Variants in ZNF616 observed in about 807,000 individuals in gnomAD.
ZNF616 encodes zinc finger protein 616.
Under a neutral mutation model 7.6 loss-of-function variants are expected in ZNF616, and 5 were observed. The ratio of observed to expected loss-of-function variants is 0.66; its 90% CI spans 0.34 to 1.38. The LOEUF (loss-of-function observed/expected upper bound fraction) is 1.38, where lower values mean the gene tolerates loss of function less well. Ranked by LOEUF, ZNF616 falls within the 40% of genes most tolerant of loss-of-function variation. ZNF616 has a pLI of 0.04. For missense variants in ZNF616, 913 were observed against 948.3 expected, an observed-to-expected ratio of 0.96 and a Z score of 0.49; for synonymous variants, 319 against 317.2, an observed-to-expected ratio of 1.01 and a Z score of -0.06.
At chr19:52,125,565 C>T (rs960753514) in intron 2 of ZNF616, among the ~76,000 whole-genome samples, 3 of 152,156 alleles carry the variant, frequency 2.0e-5, no homozygotes, top group Non-Finnish European at 4.4e-5. Context: ...GGATCCCTGC[C>T]CCATTAGTTT....
intron 3 of ZNF616, among the ~76,000 whole-genome samples, chr19:52,120,090 T>C (rs529755840): frequency 4.3e-4 from 66 of 152,248 alleles, no homozygotes; most frequent in Non-Finnish European, 1.6e-4. Context: ...CAAATATTAA[T>C]CTGAAAAAAC....
intron 2 of ZNF616, among the ~76,000 whole-genome samples, chr19:52,129,383 AAC>A (rs1279058845): frequency 6.6e-6 from 1 of 152,188 alleles, no homozygotes; most frequent in African/African-American, 2.4e-5. Flanking sequence ...TTACCAAAAA[AAC>A]AAATATATAC....
chr19:52,115,061 A>C lies in ZNF616; in HGVS notation c.2103T>G (p.Ser701Arg). 2 of 1,614,142 alleles carry C rather than the reference A, an allele frequency of 1.2e-6. No homozygotes were observed. The highest frequency in any genetic ancestry group is 1.1e-5 in the South Asian group (1 of 91,080). The change falls in exon 4 of 4, where the codon AGT becomes AGG. Residue 701 changes from serine (S) to arginine (R), a missense_variant. Physicochemically the swap from Ser to Arg is moderately radical, Grantham distance 110 (BLOSUM62 -1). Coordinates refer to ENST00000600228, the MANE Select transcript of ZNF616 (RefSeq NM_178523.5). ...CDECGKVFRH[S>R]SHLVSHQRIH... ...TTCTCTGGTGACTTACAAGATGTGA[A>C]CTATGCCTGAATACCTTGCCACATT...
chr19:52,133,297 T>TGC (rs763459552), intron 1 of ZNF616, among the ~76,000 whole-genome samples: 7 of 152,216 alleles, frequency 4.6e-5, no homozygotes, highest in Admixed American at 6.5e-5. Flanking sequence ...TCTGTGTGTG[T>TGC]GCATGCATTT....
At chr19:52,138,476 T>A (rs771473292) in intron 1 of ZNF616, 2 of 152,244 alleles carry the variant, frequency 1.3e-5, no homozygotes, top group Non-Finnish European at 1.5e-5. Flanking sequence ...CTCATCTGGG[T>A]GGGGTCCTCG....
intron 2 of ZNF616, among the ~76,000 whole-genome samples, chr19:52,129,540 G>A (rs2088939548): frequency 6.6e-6 from 1 of 152,150 alleles, no homozygotes; most frequent in South Asian, 2.1e-4. Context: ...CTGCTGGTAA[G>A]AGTCCCCGCA....
chr19:52,123,509 A>G (rs938321302), intron 3 of ZNF616, among the ~76,000 whole-genome samples: 23 of 152,048 alleles, frequency 1.5e-4, no homozygotes, highest in African/African-American at 3.9e-4. Flanking sequence ...GCACGCACGC[A>G]TAATTCCAGC....
At chr19:52,135,850 C>T (rs1174315641) in intron 1 of ZNF616, among the ~76,000 whole-genome samples, 2 of 152,050 alleles carry the variant, frequency 1.3e-5, no homozygotes, top group African/African-American at 2.4e-5. Flanking sequence ...GATGTTGGGC[C>T]GGGCACAGTG....
rs1444550226 is a variant in ZNF616, at chr19:52,123,871, T to C, written c.139+52A>G. ...TTCCCAAGAAAGACAACAGAGGAAA[T>C]ACAAAAATGCACAAGGGCGAATCTG... On this transcript the variant is annotated intron_variant, in intron 3 of 3. Transcript: ENST00000600228. 3.7e-6 allele frequency: 6 copies of C among 1,610,200 alleles called. No individual in the cohort carries two copies. The African/African-American group carries it at 4.0e-5, about 11-fold the overall frequency.
At chr19:52,124,779 T>C (rs1022680251) in intron 2 of ZNF616, among the ~76,000 whole-genome samples, 2 of 152,202 alleles carry the variant, frequency 1.3e-5, no homozygotes, top group African/African-American at 2.4e-5. Flanking sequence ...CTCATAATTC[T>C]GCAGGCTGGG....
At chr19:52,129,436 T>C (rs921361664) in intron 2 of ZNF616, among the ~76,000 whole-genome samples, 10 of 152,204 alleles carry the variant, frequency 6.6e-5, no homozygotes, top group Admixed American at 5.9e-4. Flanking sequence ...TTAATAATAA[T>C]TGGTGCAGTG....
chr19:52,131,612 A>G (rs1439023638), intron 1 of ZNF616, among the ~76,000 whole-genome samples: 2 of 152,198 alleles, frequency 1.3e-5, no homozygotes, highest in African/African-American at 4.8e-5. Flanking sequence ...TCATTCTTAA[A>G]ATGAAAGGAG....
intron 2 of ZNF616, among the ~76,000 whole-genome samples, chr19:52,126,309 C>T (rs1255027162): frequency 6.6e-6 from 1 of 152,190 alleles, no homozygotes; most frequent in African/African-American, 2.4e-5. Flanking sequence ...AGGAAGATCA[C>T]TTCAGAGCAG....
intron 2 of ZNF616, among the ~76,000 whole-genome samples, chr19:52,127,018 A>G (rs1273205396): frequency 6.6e-6 from 1 of 152,178 alleles, no homozygotes; most frequent in African/African-American, 2.4e-5. Context: ...TGCAACTGAA[A>G]AAATTCAGAG....
Position 52,116,805 on chromosome 19 carries a change from G to C in ZNF616, c.359C>G (p.Thr120Ser), listed in dbSNP as rs2088829837. ...TTGACTATGTTGATCTCTTTTACCA[G>C]TAAGATTGTTTTCATGGGGCACTGG... ...EVPVPHENNL[T>S]GKRDQHSQGD... is the part of the protein sequence containing the mutation. The change falls in exon 4 of 4, where the codon ACT becomes AGT. Residue 120 changes from threonine (T) to serine (S), a missense_variant. By Grantham distance (58) the Thr-to-Ser change is moderately conservative. Coordinates refer to ENST00000600228, the MANE Select transcript of ZNF616 (RefSeq NM_178523.5). The C allele has an allele frequency of 6.2e-7, 1 of 1,613,804 alleles. No individual in the cohort carries two copies.
chr19:52,116,467 C>T lies in ZNF616; in HGVS notation c.697G>A (p.Val233Ile), dbSNP rs762564228. 1.2e-6 allele frequency: 2 copies of T among 1,613,936 alleles called. No homozygotes were observed. The highest frequency in any genetic ancestry group is 1.1e-5 in the South Asian group (1 of 91,074). ...TATGATTTCCCTCTTGTATGGACTA[C>T]CTTGTGTACAGTTAGTAGTGAGGCC... ...HRASLLTVHK[V>I]VHTRGKSYQC... is the part of the protein sequence containing the mutation. The change falls in exon 4 of 4, where the codon GTA becomes ATA. Residue 233 changes from valine (V) to isoleucine (I), a missense_variant. Val to Ile is a conservative substitution (Grantham distance 29, BLOSUM62 3). Coordinates refer to ENST00000600228, the MANE Select transcript of ZNF616 (RefSeq NM_178523.5).
In ZNF616 at chr19:52,115,776, T is replaced by C; in HGVS notation, c.1388A>G (p.Lys463Arg). 2 of 1,609,750 alleles carry C rather than the reference T, an allele frequency of 1.2e-6. No individual in the cohort carries two copies. Among genetic ancestry groups the C allele is most frequent in the Non-Finnish European group, 8.5e-7 (1 of 1,178,042 alleles). Residue 463 changes from lysine to arginine, a missense_variant, in exon 4 of 4, where the codon AAA becomes AGA. Coordinates refer to ENST00000600228, the MANE Select transcript of ZNF616 (RefSeq NM_178523.5). ...GCCACATTCATTGCATTTATAAGCT[T>C]TCTCGCCGGTATGAATTCTCCAATG... The part of the protein sequence containing the change: ...AVHWRIHTGE[K>R]AYKCNECGKV...
In ZNF616 at chr19:52,114,714, T is replaced by C. The variant is rs1259702716; in HGVS notation, c.*104A>G. The C allele has an allele frequency of 1.3e-5, 18 of 1,360,408 alleles. No individual in the cohort carries two copies. In the Admixed American group the frequency reaches 4.1e-4, roughly 31 times the overall value. The allele number at this position is 1,360,408 out of a possible 1,614,324, so 84.3% of individuals were successfully genotyped here. A position where few individuals can be genotyped will look rare whatever the true frequency, so the allele number is the denominator to read the frequency against. Reference sequence around the variant, plus strand: ...ACCTCCCAATGGGCCCCACCTCCAATACTGGAGATTACAATTCCACAGGGA... The same window carrying C: ...ACCTCCCAATGGGCCCCACCTCCAACACTGGAGATTACAATTCCACAGGGA... On this transcript the variant is annotated 3_prime_UTR_variant, in exon 4 of 4. Coordinates refer to ENST00000600228, the MANE Select transcript of ZNF616 (RefSeq NM_178523.5).
At chr19:52,130,613 T>C in intron 1 of ZNF616, 25 bp from the exon 2 acceptor site, 1 of 1,517,994 alleles carries the variant, frequency 6.6e-7, no homozygotes, top group Non-Finnish European at 8.9e-7. Context: ...ATCTGTTGTT[T>C]AATGCTTGGA....
Sources: allele counts gnomAD v4.1 joint callset (sites outside exome capture counted in the v4.1 genomes callset), GRCh38; gene constraint gnomAD v4.1.1; transcripts MANE v1.5; gene names NCBI Gene and HGNC (gene_info 2026-07-23, HGNC 2026-07-21).